Variants in STK39 observed in about 807,000 individuals in gnomAD.
The protein encoded by STK39 is STE20/SPS1-related proline-alanine-rich protein kinase.
A neutral mutation model predicts 77.8 loss-of-function variants in STK39; 20 were observed. The ratio of observed to expected loss-of-function variants is 0.26; its 90% CI spans 0.18 to 0.37. The LOEUF (loss-of-function observed/expected upper bound fraction) is 0.37, where lower values mean the gene tolerates loss of function less well. Among genes scored for constraint, STK39 ranks in the 10% least tolerant of loss-of-function variants. STK39 has a pLI of 1.00. For missense variants in STK39, 479 were observed against 656.5 expected (o/e 0.73, Z 2.95); for synonymous variants, 246 against 234.1 (o/e 1.05, Z -0.47).
Position 168,065,398 on chromosome 2 carries a change from C to G in STK39, c.1243-17G>C. The G allele has an allele frequency of 1.2e-6, 2 of 1,613,802 alleles. No individual in the cohort carries two copies. The highest frequency in any genetic ancestry group is 1.1e-5 in the South Asian group (1 of 91,064). Reference sequence around the variant, plus strand: ...CACTGCAATCTGTTACGAGAGCCACCGTTACAGCATTCAAGAAAGCCAAAG... The same window carrying G: ...CACTGCAATCTGTTACGAGAGCCACGGTTACAGCATTCAAGAAAGCCAAAG... On this transcript the variant is annotated splice_polypyrimidine_tract_variant and intron_variant, in intron 12 of 17. Transcript: ENST00000355999.
At chr2:167,990,281 G>A (rs1443209387) in intron 16 of STK39, among the ~76,000 whole-genome samples, 2 of 152,142 alleles carry the variant, frequency 1.3e-5, no homozygotes, top group African/African-American at 4.8e-5. Flanking sequence ...ATGACATTTT[G>A]GCAAGATTAT....
At chr2:168,154,791 A>C (rs554240561) in intron 5 of STK39, among the ~76,000 whole-genome samples, 1 of 152,328 alleles carries the variant, frequency 6.6e-6, no homozygotes, top group Admixed American at 6.5e-5. Context: ...GCAAATGCTC[A>C]ATAAATACCT....
At chr2:168,080,954 G>A (rs1410346078) in intron 10 of STK39, among the ~76,000 whole-genome samples, 1 of 152,216 alleles carries the variant, frequency 6.6e-6, no homozygotes, top group Non-Finnish European at 1.5e-5. Flanking sequence ...GTCAAGAACT[G>A]GGAACCTCTG....
chr2:168,015,037 G>A (rs780084934), intron 15 of STK39, among the ~76,000 whole-genome samples: 18 of 152,160 alleles, frequency 1.2e-4, no homozygotes, highest in East Asian at 7.7e-4. Flanking sequence ...ATCTGCGTGC[G>A]TGCCATTAGG....
At chr2:168,087,234 C>G (rs916915467) in intron 10 of STK39, among the ~76,000 whole-genome samples, 2 of 152,004 alleles carry the variant, frequency 1.3e-5, no homozygotes, top group Non-Finnish European at 2.9e-5. Flanking sequence ...AGAGGGGTGG[C>G]GAAGAGAAAG....
At chr2:168,180,430 C>T (rs4668042) in intron 2 of STK39, among the ~76,000 whole-genome samples, 62,903 of 151,896 alleles carry the variant, frequency 0.41, 15,150 homozygotes, top group East Asian at 0.69. Context: ...TTTAAATGCA[C>T]ACTCCAAATT....
intron 1 of STK39, among the ~76,000 whole-genome samples, chr2:168,239,378 T>C (rs970047790): frequency 1.1e-4 from 16 of 152,326 alleles, no homozygotes; most frequent in Admixed American, 9.2e-4. Flanking sequence ...CTCTGGGTCC[T>C]TTAATCCAGC....
chr2:168,203,203 C>T lies in STK39; in HGVS notation c.209-21113G>A, dbSNP rs138156788. Among the ~76,000 whole-genome samples, 6 of 152,174 alleles carry T rather than the reference C, an allele frequency of 3.9e-5. No individual in the cohort carries two copies. In the East Asian group the frequency reaches 9.7e-4, roughly 25 times the overall value. The stretch of plus-strand genomic sequence containing the variant: ...TCAGGGAAGAGAGGAAAAAATCTCC[C>T]TCAGCTGAGGACCACAGCTCTAAGA... On this transcript the variant is annotated intron_variant, in intron 1 of 17. Transcript: ENST00000355999.
At chr2:168,006,155 C>T (rs1292038521) in intron 16 of STK39, among the ~76,000 whole-genome samples, 2 of 152,198 alleles carry the variant, frequency 1.3e-5, no homozygotes, top group Admixed American at 1.3e-4. Flanking sequence ...TCAGTGGGCA[C>T]ATTTCTGAAA....
At chr2:167,965,028 A>C (rs1326204110) in intron 16 of STK39, among the ~76,000 whole-genome samples, 1 of 152,138 alleles carries the variant, frequency 6.6e-6, no homozygotes, top group Non-Finnish European at 1.5e-5. Flanking sequence ...AGCAGCCCCC[A>C]GTGTTTCCGC....
At chr2:168,119,511 G>A (rs1402305369) in intron 10 of STK39, among the ~76,000 whole-genome samples, 5 of 152,084 alleles carry the variant, frequency 3.3e-5, no homozygotes, top group Non-Finnish European at 7.4e-5. Flanking sequence ...GTGAAAAGTC[G>A]TTAAACCATC....
At chr2:168,152,973 T>C (rs1225647292) in intron 5 of STK39, among the ~76,000 whole-genome samples, 1 of 152,192 alleles carries the variant, frequency 6.6e-6, no homozygotes, top group Non-Finnish European at 1.5e-5. Flanking sequence ...GTTAAAAATA[T>C]GATCCCTATG....
At position 167,955,624 on chromosome 2, in the gene STK39, T is replaced by TA. The variant is rs1318903798; in HGVS notation, c.1564-55dup. 8.9e-6 allele frequency: 14 copies of TA among 1,564,464 alleles called. No homozygotes were observed. The South Asian group carries it at 1.5e-4, about 17-fold the overall frequency. ...CTGGTTTGCTGCTGCTGCTGGTTGT[T>TA]AAAGTCTTGTTCCTATGATGGCAGA... On this transcript the variant is annotated intron_variant, in intron 17 of 17. Transcript: ENST00000355999.
intron 12 of STK39, among the ~76,000 whole-genome samples, chr2:168,073,710 C>T (rs1012963916): frequency 6.6e-5 from 10 of 152,124 alleles, no homozygotes; most frequent in African/African-American, 2.4e-4. Flanking sequence ...CTCACTGCAA[C>T]CTCCACTTCC....
chr2:168,134,903 C>G (rs929081274), intron 8 of STK39, among the ~76,000 whole-genome samples: 2 of 152,156 alleles, frequency 1.3e-5, no homozygotes, highest in Non-Finnish European at 2.9e-5. Flanking sequence ...GGTAGATGAT[C>G]TACATTTAGG....
At chr2:168,091,839 A>C (rs1686534309) in intron 10 of STK39, among the ~76,000 whole-genome samples, 1 of 152,214 alleles carries the variant, frequency 6.6e-6, no homozygotes, top group Admixed American at 6.5e-5. Flanking sequence ...ACTAAATCCC[A>C]AACATGGTAT....
At chr2:168,225,143 G>A (rs1416490573) in intron 1 of STK39, among the ~76,000 whole-genome samples, 2 of 152,164 alleles carry the variant, frequency 1.3e-5, no homozygotes, top group Non-Finnish European at 2.9e-5. Flanking sequence ...ACTTAATAGT[G>A]ACCCTGAAGA....
At chr2:168,127,726 C>T (rs1687581772) in intron 10 of STK39, among the ~76,000 whole-genome samples, 2 of 152,094 alleles carry the variant, frequency 1.3e-5, no homozygotes, top group Admixed American at 6.5e-5. Flanking sequence ...TTGGAAACCA[C>T]TTTTGAGCAA....
At chr2:168,135,049 A>G (rs1358543244) in intron 8 of STK39, among the ~76,000 whole-genome samples, 1 of 152,184 alleles carries the variant, frequency 6.6e-6, no homozygotes, top group African/African-American at 2.4e-5. Flanking sequence ...CCAGTTGTTC[A>G]AGAAATGGTA....
Sources: allele counts gnomAD v4.1 joint callset (sites outside exome capture counted in the v4.1 genomes callset), GRCh38; gene constraint gnomAD v4.1.1; transcripts MANE v1.5; gene names NCBI Gene and HGNC (gene_info 2026-07-23, HGNC 2026-07-21).